The following AATF variants were observed in gnomAD, a reference collection of about 807,000 sequenced individuals.
The protein encoded by AATF is apoptosis antagonizing transcription factor, also known as protein AATF.
AATF carries 48 observed loss-of-function variants against 63.7 expected under a neutral mutation model. The observed-to-expected ratio is 0.75, with a 90% CI of 0.60 to 0.96. The LOEUF (loss-of-function observed/expected upper bound fraction) is 0.96, where lower values mean the gene tolerates loss of function less well. Ranked by LOEUF, AATF falls within the 40% of genes least tolerant of loss-of-function variation. The pLI, the probability that AATF is intolerant of heterozygous loss-of-function variation, is 0.00. For missense variants in AATF, 639 were observed against 685.7 expected, an observed-to-expected ratio of 0.93 and a Z score of 0.76; for synonymous variants, 258 against 247.7, an observed-to-expected ratio of 1.04 and a Z score of -0.39.
chr17:36,980,467 A>T (rs2071113930), intron 4 of AATF: 1 of 152,362 alleles, frequency 6.6e-6, no homozygotes, highest in African/African-American at 2.4e-5. Flanking sequence ...GAGAGGGAAG[A>T]AAGTATATGA....
chr17:36,969,890 A>G (rs2071025658), intron 4 of AATF, among the ~76,000 whole-genome samples: 1 of 152,142 alleles, frequency 6.6e-6, no homozygotes, highest in African/African-American at 2.4e-5. Flanking sequence ...AAATCTATAT[A>G]AGTGGAATTA....
rs746953669 is a variant in AATF, at chr17:36,950,167, T to G, written c.92-47T>G. The G allele has an allele frequency of 8.2e-6, 13 of 1,584,370 alleles. No individual in the cohort carries two copies. In the East Asian group the frequency reaches 2.7e-4, roughly 33 times the overall value. On this transcript the variant is annotated intron_variant, in intron 1 of 11. Coordinates refer to ENST00000619387, the MANE Select transcript of AATF (RefSeq NM_012138.4). The stretch of plus-strand genomic sequence containing the variant: ...GGTCGACCAGGGTTCCCGTTAAAGT[T>G]TCTGCTAACCTGGAGATTCTGTTTA...
chr17:36,975,229 A>G (rs1597707653), intron 4 of AATF, among the ~76,000 whole-genome samples: 1 of 152,076 alleles, frequency 6.6e-6, no homozygotes, highest in African/African-American at 2.4e-5. Context: ...TCCCATGTCA[A>G]TGCCTGCAGG....
chr17:36,960,171 GC>G (rs1310410070), intron 4 of AATF, among the ~76,000 whole-genome samples: 1 of 152,044 alleles, frequency 6.6e-6, no homozygotes, highest in Non-Finnish European at 1.5e-5. Flanking sequence ...GCAGCACCAC[GC>G]CCAGCTAATT....
Position 37,020,837 on chromosome 17 carries a change from T to C in AATF, c.1467-97T>C. The C allele has an allele frequency of 7.1e-6, 7 of 987,946 alleles. 1 individual carries two copies. In the South Asian group the frequency reaches 1.3e-4, roughly 18 times the overall value. 61.2% of individuals were successfully genotyped at this position (987,946 alleles called of 1,614,324 possible). ...TGAGGAACTTGATGTAGGTTGATGA[T>C]TTCTTTCTGCAGGGTTGTTAGAATA... is the stretch of plus-strand genomic sequence containing the variant. On this transcript the variant is annotated intron_variant, in intron 9 of 11. Transcript: ENST00000619387.
chr17:36,989,343 G>A lies in AATF; in HGVS notation c.1246G>A (p.Val416Ile). Residue 416 changes from valine to isoleucine, a missense_variant, in exon 7 of 12, where the codon GTC becomes ATC. Val to Ile is a conservative substitution (Grantham distance 29). Transcript: ENST00000619387. Reference sequence around the variant, plus strand: ...TCGAAGGACACAGACCAAGCGCTCTGTCTATCGAGTTCTTGGCAAACCTGA... The same window carrying A: ...TCGAAGGACACAGACCAAGCGCTCTATCTATCGAGTTCTTGGCAAACCTGA... Reference protein sequence around the residue: ...LLRRTQTKRSVYRVLGKPEPA... With the variant: ...LLRRTQTKRSIYRVLGKPEPA... 1.9e-6 allele frequency: 3 copies of A among 1,614,044 alleles called. No homozygotes were observed. The highest frequency in any genetic ancestry group is 2.5e-6 in the Non-Finnish European group (3 of 1,179,970).
At chr17:36,961,674 A>AT (rs563768134) in intron 4 of AATF, among the ~76,000 whole-genome samples, 308 of 144,032 alleles carry the variant, frequency 2.1e-3, no homozygotes, top group Middle Eastern at 3.6e-3. Context: ...TTGTACATTG[A>AT]TTTTTTTTTT....
chr17:36,972,813 G>C (rs1196115520), intron 4 of AATF, among the ~76,000 whole-genome samples: 1 of 151,972 alleles, frequency 6.6e-6, no homozygotes, highest in East Asian at 1.9e-4. Flanking sequence ...TCAGTTTTAG[G>C]TTTACATTTT....
At chr17:36,967,549 G>C (rs2071000415) in intron 4 of AATF, among the ~76,000 whole-genome samples, 1 of 152,164 alleles carries the variant, frequency 6.6e-6, no homozygotes, top group South Asian at 2.1e-4. Flanking sequence ...CACCTTCTCA[G>C]GTGTCCAGCT....
chr17:36,974,331 T>C (rs940614105), intron 4 of AATF, among the ~76,000 whole-genome samples: 12 of 152,200 alleles, frequency 7.9e-5, no homozygotes, highest in African/African-American at 2.7e-4. Flanking sequence ...TATAGCATTA[T>C]TTTTAATGAT....
At chr17:36,993,755 G>A (rs62069476) in intron 8 of AATF, among the ~76,000 whole-genome samples, 1 of 152,156 alleles carries the variant, frequency 6.6e-6, no homozygotes, top group African/African-American at 2.4e-5. Context: ...TTCATGTTTT[G>A]TAAGGAAGAG....
At chr17:36,991,876 C>T (rs2142253081) in intron 8 of AATF, among the ~76,000 whole-genome samples, 1 of 152,192 alleles carries the variant, frequency 6.6e-6, no homozygotes, top group East Asian at 1.9e-4. Context: ...TGAGCCACTG[C>T]ACCCGGCCAG....
chr17:37,027,289 G>A (rs980981111), intron 10 of AATF, among the ~76,000 whole-genome samples: 7 of 151,664 alleles, frequency 4.6e-5, no homozygotes, highest in Admixed American at 2.0e-4. Flanking sequence ...ATAATATGAC[G>A]TCTTACTGTG....
intron 4 of AATF, among the ~76,000 whole-genome samples, chr17:36,967,949 G>A (rs1482526052): frequency 2.0e-5 from 3 of 149,854 alleles, no homozygotes; most frequent in Non-Finnish European, 4.4e-5. Flanking sequence ...CCGTAGCGTA[G>A]ATCTGTTTTT....
At chr17:36,994,083 A>G (rs1418156516) in intron 8 of AATF, among the ~76,000 whole-genome samples, 1 of 152,216 alleles carries the variant, frequency 6.6e-6, no homozygotes, top group African/African-American at 2.4e-5. Flanking sequence ...ATCATAAATA[A>G]TCTTATCATT....
At chr17:37,016,371 C>T (rs2071428637) in intron 8 of AATF, among the ~76,000 whole-genome samples, 1 of 152,060 alleles carries the variant, frequency 6.6e-6, no homozygotes, top group South Asian at 2.1e-4. Flanking sequence ...TAGTCCTGTT[C>T]CTCATGTATA....
chr17:36,997,592 G>T (rs1370856336), intron 8 of AATF, among the ~76,000 whole-genome samples: 2 of 152,214 alleles, frequency 1.3e-5, no homozygotes, highest in Non-Finnish European at 2.9e-5. Flanking sequence ...TGGTGTGGAT[G>T]TAGTGAACAG....
intron 4 of AATF, among the ~76,000 whole-genome samples, chr17:36,957,873 C>T (rs2070914702): frequency 6.6e-6 from 1 of 152,184 alleles, no homozygotes; most frequent in South Asian, 2.1e-4. Context: ...CAGTAAACTC[C>T]TGAGTACCAT....
At chr17:36,960,017 T>A (rs555540958) in intron 4 of AATF, among the ~76,000 whole-genome samples, 1 of 150,022 alleles carries the variant, frequency 6.7e-6, no homozygotes, top group African/African-American at 2.5e-5. Context: ...TAGACTAAAA[T>A]TTTTTTCCCC....
Sources: allele counts gnomAD v4.1 joint callset (sites outside exome capture counted in the v4.1 genomes callset), GRCh38; gene constraint gnomAD v4.1.1; transcripts MANE v1.5; gene names NCBI Gene and HGNC (gene_info 2026-07-23, HGNC 2026-07-21).